Variants in EPSTI1 observed in about 807,000 individuals in gnomAD.
EPSTI1 encodes epithelial stromal interaction 1, also known as epithelial-stromal interaction protein 1.
A neutral mutation model predicts 49.9 loss-of-function variants in EPSTI1; 66 were observed. The ratio of observed to expected loss-of-function variants is 1.32; its 90% CI spans 1.08 to 1.62. EPSTI1 has a LOEUF of 1.62. Among genes scored for constraint, EPSTI1 ranks in the 40% most tolerant of loss-of-function variants. EPSTI1 has a pLI of 0.00. For missense variants in EPSTI1, 394 were observed against 365.5 expected (o/e 1.08, Z -0.64); for synonymous variants, 137 against 130.7 (o/e 1.05, Z -0.33).
rs540963216 is a variant in EPSTI1 at position 42,919,812 on chromosome 13, T to C, written c.658-2188A>G. 1.5e-4 allele frequency among the ~76,000 whole-genome samples: 23 copies of C among 152,262 alleles called. 1 individual carries two copies. The South Asian group carries it at 4.6e-3, about 30-fold the overall frequency. ...GAGCATCACATGAGCAAATGGAAAA[T>C]AGCAGTGCATGAGTTTGCTAGGGCT... On this transcript the variant is annotated intron_variant, in intron 7 of 10. Transcript: ENST00000313624.
chr13:42,907,110 T>C (rs181108250), intron 8 of EPSTI1, among the ~76,000 whole-genome samples: 299 of 152,328 alleles, frequency 2.0e-3, no homozygotes, highest in African/African-American at 6.8e-3. Context: ...TGTAACTTTG[T>C]ATTTGCTGTT....
chr13:42,963,676 C>A, intron 4 of EPSTI1: 1 of 303,372 alleles, frequency 3.3e-6, no homozygotes, highest in Non-Finnish European at 6.0e-6. Context: ...TTACAAAACT[C>A]AGTGTTCATT....
chr13:42,980,954 C>T (rs1230478284), intron 1 of EPSTI1, among the ~76,000 whole-genome samples: 2 of 152,076 alleles, frequency 1.3e-5, no homozygotes, highest in Non-Finnish European at 1.5e-5. Context: ...ATAGCAGGGG[C>T]TCAGCTTTTC....
intron 9 of EPSTI1, 103 bp from the exon 10 acceptor site, chr13:42,895,211 C>T: frequency 1.2e-6 from 1 of 832,362 alleles, no homozygotes; most frequent in South Asian, 1.8e-5. Context: ...GGGATAGCTT[C>T]CTGGCTTCAG....
chr13:42,978,591 A>C (rs1455234337), intron 1 of EPSTI1, among the ~76,000 whole-genome samples: 1 of 152,148 alleles, frequency 6.6e-6, no homozygotes, highest in Non-Finnish European at 1.5e-5. Flanking sequence ...TTTTCATTTC[A>C]CAGTTCTGAG....
chr13:42,912,007 AC>A (rs1385710765), intron 8 of EPSTI1, among the ~76,000 whole-genome samples: 1 of 152,158 alleles, frequency 6.6e-6, no homozygotes, highest in Non-Finnish European at 1.5e-5. Context: ...TTTCTCTGTC[AC>A]CCAATAGTTT....
chr13:42,897,710 C>T (rs2037235010), intron 9 of EPSTI1, among the ~76,000 whole-genome samples: 1 of 152,208 alleles, frequency 6.6e-6, no homozygotes, highest in South Asian at 2.1e-4. Context: ...TGGTTGAGCA[C>T]TCTTTGATAC....
intron 8 of EPSTI1, among the ~76,000 whole-genome samples, chr13:42,901,508 A>G (rs1021573992): frequency 9.2e-5 from 14 of 151,854 alleles, no homozygotes; most frequent in African/African-American, 3.4e-4. Context: ...TTTGAAATCA[A>G]TGAATAATAT....
At chr13:42,970,988 T>A (rs1426697671) in intron 1 of EPSTI1, among the ~76,000 whole-genome samples, 2 of 152,212 alleles carry the variant, frequency 1.3e-5, no homozygotes, top group Non-Finnish European at 2.9e-5. Flanking sequence ...TTAAGATGGC[T>A]TTAGATTGGC....
chr13:42,888,215 C>G lies in EPSTI1; in HGVS notation c.*279G>C. 6.2e-7 allele frequency: 1 copy of G among 1,603,262 alleles called. No individual in the cohort carries two copies. On this transcript the variant is annotated 3_prime_UTR_variant, in exon 11 of 11. Transcript: ENST00000313624. ...AAGCATCAAGTGACTCCCTCTTTTT[C>G]TACCCTACCAACATCACTCTAATTA...
chr13:42,919,072 A>G (rs1198525777), intron 7 of EPSTI1, among the ~76,000 whole-genome samples: 1 of 152,148 alleles, frequency 6.6e-6, no homozygotes, highest in East Asian at 1.9e-4. Context: ...CAAAATTACA[A>G]CTTGAATGAG....
chr13:42,929,459 C>G (rs576529351), intron 6 of EPSTI1, among the ~76,000 whole-genome samples: 1 of 152,192 alleles, frequency 6.6e-6, no homozygotes, highest in Admixed American at 6.5e-5. Context: ...CCAAAATTAC[C>G]CAACCAAAGC....
rs71202243 is a variant in EPSTI1, at chr13:42,917,642, G to GAAAAA, written c.658-23_658-19dup. 1,826 of 425,730 alleles carry GAAAAA rather than the reference G, an allele frequency of 4.3e-3. 11 individuals carry two copies. The highest frequency in any genetic ancestry group is 5.1e-3 in the South Asian group (211 of 41,746). 26.4% of individuals were successfully genotyped at this position (425,730 alleles called of 1,614,324 possible). The stretch of plus-strand genomic sequence containing the variant: ...CTTCTGGCCTGTAAAGGTACAAAGA[G>GAAAAA]AAAAAAAAAAAAAAAAACAACTTGA... On this transcript the variant is annotated intron_variant, in intron 7 of 10. Transcript: ENST00000313624.
At chr13:42,974,565 A>C (rs1170454695) in intron 1 of EPSTI1, among the ~76,000 whole-genome samples, 3 of 151,790 alleles carry the variant, frequency 2.0e-5, no homozygotes, top group African/African-American at 7.3e-5. Flanking sequence ...AGGCTGAGGC[A>C]GGAGAATGGC....
intron 5 of EPSTI1, among the ~76,000 whole-genome samples, chr13:42,957,735 C>T (rs2153429735): frequency 6.6e-6 from 1 of 152,242 alleles, no homozygotes; most frequent in South Asian, 2.1e-4. Flanking sequence ...ACCACCACAC[C>T]TGGCTAATAT....
At chr13:42,912,968 T>A (rs966735076) in intron 8 of EPSTI1, among the ~76,000 whole-genome samples, 1 of 150,076 alleles carries the variant, frequency 6.7e-6, no homozygotes, top group Admixed American at 6.6e-5. Flanking sequence ...TAAAAGAAAA[T>A]TAGGAAGAAA....
At chr13:42,974,536 A>G (rs9533323) in intron 1 of EPSTI1, among the ~76,000 whole-genome samples, 96,890 of 151,076 alleles carry the variant, frequency 0.64, 31,088 homozygotes, top group Middle Eastern at 0.83. Context: ...GTGGGCGCCT[A>G]TAGTTCCAGC....
At chr13:42,950,168 T>C (rs925974253) in intron 6 of EPSTI1, among the ~76,000 whole-genome samples, 3 of 152,208 alleles carry the variant, frequency 2.0e-5, no homozygotes, top group Admixed American at 1.3e-4. Flanking sequence ...TTGGAGTCTG[T>C]CCCTAGCCAG....
rs1330493397 is a variant in EPSTI1, at chr13:42,890,286, T to C, written c.916-1784A>G. Among the ~76,000 whole-genome samples the C allele has an allele frequency of 3.0e-5, 4 of 135,490 alleles. No individual in the cohort carries two copies. The East Asian group carries it at 9.0e-4, about 31-fold the overall frequency. 88.9% of individuals were successfully genotyped at this position (135,490 alleles called of 152,430 possible). On this transcript the variant is annotated intron_variant, in intron 10 of 10. Transcript: ENST00000313624. ...ATCTTTCTACAAAATTTAAGAATTT[T>C]TTTTCTTTTCTTTTTTTTTTTTTTT... is the stretch of plus-strand genomic sequence containing the variant.
Sources: gnomAD v4.1 joint callset for allele counts (sites outside exome capture counted in the v4.1 genomes callset) on GRCh38, gnomAD v4.1.1 for gene constraint, MANE v1.5 for transcripts, NCBI Gene and HGNC (gene_info 2026-07-23, HGNC 2026-07-21) for gene names.